TRPM2: variants seen among roughly 807,000 people sequenced by gnomAD.
TRPM2 encodes estrogen-responsive element-associated gene 1 protein.
A neutral mutation model predicts 174.0 loss-of-function variants in TRPM2; 161 were observed. That is an observed-to-expected ratio of 0.93 (90% CI 0.81 to 1.05). TRPM2 has a LOEUF of 1.05. Among genes scored for constraint, TRPM2 ranks in the 50% least tolerant of loss-of-function variants. The pLI is 0.00. For synonymous variants in TRPM2, 954 were observed against 861.3 expected, an observed-to-expected ratio of 1.11 and a Z score of -1.88; for missense variants, 2,057 against 2,038.0, an observed-to-expected ratio of 1.01 and a Z score of -0.18.
At chr21:44,404,485 G>T (rs1028837538) in intron 16 of TRPM2, among the ~76,000 whole-genome samples, 4 of 152,190 alleles carry the variant, frequency 2.6e-5, no homozygotes, top group African/African-American at 9.7e-5. Context: ...GTGAGCAGGG[G>T]GCCGAGGTAG....
At chr21:44,411,014 T>G (rs1265128595) in intron 19 of TRPM2, among the ~76,000 whole-genome samples, 2 of 151,158 alleles carry the variant, frequency 1.3e-5, no homozygotes, top group Non-Finnish European at 3.0e-5. Flanking sequence ...TAGTAAGTTT[T>G]GACCGCACTG....
At chr21:44,378,115 C>A (rs1449863574) in intron 7 of TRPM2, among the ~76,000 whole-genome samples, 1 of 152,174 alleles carries the variant, frequency 6.6e-6, no homozygotes, top group East Asian at 1.9e-4. Flanking sequence ...AACTCTGCCC[C>A]CAAGATTCCT....
At chr21:44,360,921 G>A (rs1338736911) in intron 2 of TRPM2, among the ~76,000 whole-genome samples, 3 of 151,916 alleles carry the variant, frequency 2.0e-5, no homozygotes, top group Non-Finnish European at 4.4e-5. Flanking sequence ...TCAAGATACA[G>A]CACTGTCCAT....
intron 11 of TRPM2, among the ~76,000 whole-genome samples, chr21:44,394,149 G>A (rs923620114): frequency 1.3e-5 from 2 of 152,220 alleles, no homozygotes; most frequent in Non-Finnish European, 2.9e-5. Flanking sequence ...GATTACAGGC[G>A]TGAGCCACCG....
At chr21:44,419,700 A>AGTGGTGGTGATG (rs2050458349) in intron 22 of TRPM2, among the ~76,000 whole-genome samples, 1 of 120,620 alleles carries the variant, frequency 8.3e-6, no homozygotes, top group African/African-American at 3.3e-5. Context: ...CTGTAATGGA[A>AGTGGTGGTGATG]GTGGTGGTGA....
chr21:44,380,567 G>C (rs150364951), intron 8 of TRPM2, among the ~76,000 whole-genome samples: 31 of 152,362 alleles, frequency 2.0e-4, no homozygotes, highest in Middle Eastern at 6.8e-3. Context: ...CAGCCGTCAG[G>C]CCTCAGCAGG....
intron 20 of TRPM2, chr21:44,415,663 CT>C (rs1187632515): frequency 1.3e-5 from 2 of 152,144 alleles, no homozygotes; most frequent in East Asian, 3.8e-4. Context: ...GTAGCTGTTT[CT>C]TCTCTTTGAA....
In TRPM2 at chr21:44,367,317, G is replaced by A. The variant is rs145101457; in HGVS notation, c.604+383G>A. ...GAGAACCTCGGTGGCCTGGGTGCAC[G>A]GCTGGGGCCAGCACTGCAGGCCATT... On this transcript the variant is annotated intron_variant, in intron 4 of 31. Coordinates refer to ENST00000397928, the MANE Select transcript of TRPM2 (RefSeq NM_003307.4). This position sits in a 1 kb window ranked among gnomAD's most constrained non-coding sequence, Gnocchi z 4.6. Among the ~76,000 whole-genome samples, 15 of 152,312 alleles carry A rather than the reference G, an allele frequency of 9.8e-5. No individual in the cohort carries two copies. Among genetic ancestry groups the A allele is most frequent in the African/African-American group, 3.1e-4 (13 of 41,566 alleles).
intron 2 of TRPM2, 115 bp from the exon 3 acceptor site, chr21:44,363,999 T>C: frequency 8.5e-7 from 1 of 1,169,798 alleles, no homozygotes; most frequent in African/African-American, 1.6e-5. Flanking sequence ...GGCAGGTGCT[T>C]TGTTTTTGCT....
At chr21:44,436,785 A>C (rs895285222) in intron 28 of TRPM2, among the ~76,000 whole-genome samples, 1 of 152,044 alleles carries the variant, frequency 6.6e-6, no homozygotes, top group South Asian at 2.1e-4. Flanking sequence ...GTCAAAGGGC[A>C]GGTACCTCTC....
At chr21:44,352,208 C>A (rs1312288093), upstream of TRPM2, among the ~76,000 whole-genome samples, 2 of 152,248 alleles carry the variant, frequency 1.3e-5, no homozygotes, top group Non-Finnish European at 2.9e-5. Context: ...GGAAAGACCC[C>A]ACTGGCATGC....
At position 44,366,767 on chromosome 21, in the gene TRPM2, C is replaced by T. The variant is rs200910489; in HGVS notation, c.437C>T (p.Ser146Phe). The change falls in exon 4 of 32, where the codon TCC becomes TTC. Residue 146 changes from serine to phenylalanine, a missense_variant. By Grantham distance (155) the Ser-to-Phe change is radical (BLOSUM62 -2). Coordinates refer to ENST00000397928, the MANE Select transcript of TRPM2 (RefSeq NM_003307.4). The surrounding 1 kb of genome is among the most constrained non-coding windows in gnomAD (Gnocchi z 6.0). ...CCTTTCCCGCAGTACGTCCGAGTCT[C>T]CCAGGACACGCCCTCCAGCGTGATC... Reference protein sequence around the residue: ...SQKVKKYVRVSQDTPSSVIYH... With the variant: ...SQKVKKYVRVFQDTPSSVIYH... The T allele has an allele frequency of 2.5e-4, 402 of 1,613,858 alleles. No homozygotes were observed. Among genetic ancestry groups the T allele is most frequent in the Non-Finnish European group, 3.3e-4 (390 of 1,179,982 alleles).
chr21:44,378,968 C>G, intron 7 of TRPM2, 29 bp from the exon 8 acceptor site: 7 of 1,595,790 alleles, frequency 4.4e-6, no homozygotes, highest in Non-Finnish European at 6.0e-6. Flanking sequence ...GGACCCAGTC[C>G]CGGGCTCACA....
chr21:44,434,568 G>A (rs1214733843), intron 27 of TRPM2, among the ~76,000 whole-genome samples: 2 of 152,134 alleles, frequency 1.3e-5, no homozygotes, highest in African/African-American at 2.4e-5. Context: ...AGAACTTGCT[G>A]TTTCATATAG....
chr21:44,352,892 C>T (rs1034818036), upstream of TRPM2, among the ~76,000 whole-genome samples: 5 of 152,200 alleles, frequency 3.3e-5, no homozygotes, highest in Admixed American at 2.0e-4. Context: ...CAGTGGCTCA[C>T]GCCTGTAAAA....
At chr21:44,394,311 A>C (rs1440715385) in intron 11 of TRPM2, among the ~76,000 whole-genome samples, 2 of 146,622 alleles carry the variant, frequency 1.4e-5, no homozygotes, top group Non-Finnish European at 3.0e-5. Flanking sequence ...GAAGAAAAAC[A>C]CATTTCTTTT....
intron 19 of TRPM2, 23 bp from the exon 20 acceptor site, chr21:44,413,868 C>T: frequency 6.3e-7 from 1 of 1,599,696 alleles, no homozygotes; most frequent in Non-Finnish European, 8.6e-7. Flanking sequence ...TCTTGGCTCA[C>T]CCACCCCCAT....
Position 44,418,052 on chromosome 21 carries a change from A to G in TRPM2, c.3272A>G (p.Gln1091Arg). Reference protein sequence around the residue: ...PPPFILLSHLQLFIKRVVLKT... With the variant: ...PPPFILLSHLRLFIKRVVLKT... ...CCCTTCATCCTCCTCAGCCACCTGCAGCTCTTCATCAAGAGGGTGGTCCTG... is the reference window on the plus strand; with the variant it reads ...CCCTTCATCCTCCTCAGCCACCTGCGGCTCTTCATCAAGAGGGTGGTCCTG... Residue 1091 changes from glutamine (Q) to arginine (R), a missense_variant, in exon 21 of 32, where the codon CAG becomes CGG. By Grantham distance (43) the Gln-to-Arg change is conservative. Coordinates refer to ENST00000397928, the MANE Select transcript of TRPM2 (RefSeq NM_003307.4). 6.2e-7 allele frequency: 1 copy of G among 1,613,238 alleles called. No individual in the cohort carries two copies. The highest frequency in any genetic ancestry group is 1.6e-4 in the Middle Eastern group (1 of 6,062).
intron 8 of TRPM2, among the ~76,000 whole-genome samples, chr21:44,381,678 G>T (rs536362687): frequency 6.6e-6 from 1 of 152,150 alleles, no homozygotes; most frequent in South Asian, 2.1e-4. Context: ...AGGTTGATGC[G>T]GGTGGATCAC....
Sources: allele counts gnomAD v4.1 joint callset (sites outside exome capture counted in the v4.1 genomes callset), GRCh38; gene constraint gnomAD v4.1.1; non-coding constraint Gnocchi (gnomAD v3.1); transcripts MANE v1.5; gene names NCBI Gene and HGNC (gene_info 2026-07-23, HGNC 2026-07-21).